Variants in WDR59 observed in about 807,000 individuals in gnomAD.
The protein encoded by WDR59 is WD repeat domain 59, also known as GATOR2 complex protein WDR59.
Under a neutral mutation model 131.2 loss-of-function variants are expected in WDR59, and 100 were observed. That is an observed-to-expected ratio of 0.76 (90% CI 0.65 to 0.90). The LOEUF (loss-of-function observed/expected upper bound fraction) is 0.90. Among genes scored for constraint, WDR59 ranks in the 40% least tolerant of loss-of-function variants. The pLI is 0.00. For missense variants in WDR59, 1,203 were observed against 1,262.2 expected (o/e 0.95, Z 0.71); for synonymous variants, 601 against 466.2 (o/e 1.29, Z -3.72).
intron 14 of WDR59, among the ~76,000 whole-genome samples, chr16:74,910,150 T>G (rs1966016945): frequency 6.6e-6 from 1 of 151,924 alleles, no homozygotes. Flanking sequence ...GTATTTTTAG[T>G]AGAGAAGGGG....
intron 3 of WDR59, among the ~76,000 whole-genome samples, chr16:74,955,818 G>T (rs1050176420): frequency 2.6e-5 from 4 of 152,054 alleles, no homozygotes; most frequent in Non-Finnish European, 5.9e-5. Flanking sequence ...AAAAAGTTTA[G>T]ATCTCTCATT....
At chr16:74,900,841 G>A (rs2047190443) in intron 18 of WDR59, among the ~76,000 whole-genome samples, 1 of 152,212 alleles carries the variant, frequency 6.6e-6, no homozygotes, top group Non-Finnish European at 1.5e-5. Context: ...ACACTGGGCC[G>A]GGTGCAGTGG....
In WDR59 at chr16:74,893,739, A is replaced by G. The variant is rs762953676; in HGVS notation, c.1940T>C (p.Val647Ala). The G allele has an allele frequency of 2.5e-6, 4 of 1,614,166 alleles. No homozygotes were observed. In the South Asian group the frequency reaches 4.4e-5, roughly 18 times the overall value. ...GAGGCAAGCAATATCCTGGATGATG[A>G]CTTTCCCAGCAGCCTTGATCTGTCG... ...GNRQIKAAGK[V>A]IIQDIACLLP... The change falls in exon 19 of 26, where the codon GTC (valine) becomes GCC (alanine). Residue 647 changes from valine to alanine, a missense_variant. Coordinates refer to ENST00000262144, the MANE Select transcript of WDR59 (RefSeq NM_030581.4).
chr16:74,951,279 G>A (rs547279904), intron 4 of WDR59, among the ~76,000 whole-genome samples, 179 bp downstream of exon 4: 144 of 152,066 alleles, frequency 9.5e-4, no homozygotes, highest in African/African-American at 3.4e-3. Context: ...CCTAAATGCC[G>A]GCTGTTCCTC....
At chr16:74,917,490 C>A (rs945594498) in intron 11 of WDR59, among the ~76,000 whole-genome samples, 16 of 152,134 alleles carry the variant, frequency 1.1e-4, no homozygotes, top group Non-Finnish European at 1.5e-5. Flanking sequence ...ACACCAGCTA[C>A]TCAGCCAACC....
chr16:74,962,262 G>C (rs2033597627), intron 2 of WDR59, among the ~76,000 whole-genome samples: 3 of 152,054 alleles, frequency 2.0e-5, no homozygotes, highest in Admixed American at 2.0e-4. Flanking sequence ...GGATTGTCTT[G>C]GCTATACAGG....
intron 25 of WDR59, among the ~76,000 whole-genome samples, chr16:74,881,787 C>T (rs1219895650): frequency 2.0e-5 from 3 of 149,320 alleles, no homozygotes; most frequent in Admixed American, 6.8e-5. Flanking sequence ...GTAGGAGAAT[C>T]GCTTGAACCA....
rs763064373 is a variant in WDR59, at chr16:74,951,444, G to C, written c.326+14C>G. The C allele has an allele frequency of 1.9e-6, 3 of 1,586,572 alleles. No individual in the cohort carries two copies. Among genetic ancestry groups the C allele is most frequent in the Admixed American group, 1.8e-5 (1 of 54,914 alleles). ...AGCAAGACAGCCAAAGAGCTGTGGAGGGCTGGTGCCTACCTGATGACACGA... is the reference window on the plus strand; with the variant it reads ...AGCAAGACAGCCAAAGAGCTGTGGACGGCTGGTGCCTACCTGATGACACGA... On this transcript the variant is annotated intron_variant, in intron 4 of 25. Coordinates refer to ENST00000262144, the MANE Select transcript of WDR59 (RefSeq NM_030581.4).
chr16:74,944,193 C>T (rs914089675), intron 6 of WDR59, among the ~76,000 whole-genome samples: 43 of 152,226 alleles, frequency 2.8e-4, no homozygotes, highest in African/African-American at 8.9e-4. Flanking sequence ...AGGCCAGGCG[C>T]AGTGGCTTGC....
intron 14 of WDR59, 157 bp downstream of exon 14, chr16:74,912,041 G>T: frequency 1.0e-6 from 1 of 982,572 alleles, no homozygotes; most frequent in Non-Finnish European, 1.5e-6. Context: ...TCTGCACAAA[G>T]TAAATGGCAA....
intron 25 of WDR59, among the ~76,000 whole-genome samples, chr16:74,881,904 A>G (rs1964507344): frequency 6.6e-6 from 1 of 151,996 alleles, no homozygotes; most frequent in South Asian, 2.1e-4. Context: ...AAAGAAAAAA[A>G]AAAGGAAAAT....
intron 18 of WDR59, among the ~76,000 whole-genome samples, chr16:74,900,016 A>G (rs1480919021): frequency 2.6e-5 from 4 of 152,168 alleles, no homozygotes; most frequent in Non-Finnish European, 5.9e-5. Context: ...ATTTCAAGGT[A>G]TATGGAGGCT....
chr16:74,920,851 T>C (rs545070890), intron 10 of WDR59, among the ~76,000 whole-genome samples: 2 of 152,168 alleles, frequency 1.3e-5, no homozygotes, highest in Admixed American at 6.5e-5. Context: ...GATTCAAAAA[T>C]AGGCAGTGAA....
At chr16:74,884,573 C>A (rs1964665167) in intron 25 of WDR59, among the ~76,000 whole-genome samples, 1 of 152,190 alleles carries the variant, frequency 6.6e-6, no homozygotes, top group Admixed American at 6.5e-5. Flanking sequence ...GTCTCAAACC[C>A]CTGGCCTCAA....
intron 6 of WDR59, among the ~76,000 whole-genome samples, chr16:74,946,077 G>A (rs567671635): frequency 6.6e-6 from 1 of 152,200 alleles, no homozygotes; most frequent in East Asian, 1.9e-4. Context: ...GCCTCCCAAA[G>A]TGCTGGGATT....
At chr16:74,882,898 G>C (rs1460952898) in intron 25 of WDR59, among the ~76,000 whole-genome samples, 1 of 149,120 alleles carries the variant, frequency 6.7e-6, no homozygotes, top group Non-Finnish European at 1.5e-5. Flanking sequence ...ACTTAAAAGA[G>C]TCAAATCATT....
chr16:74,904,283 T>TGTG, intron 17 of WDR59, 183 bp from the exon 18 acceptor site: 1 of 648,582 alleles, frequency 1.5e-6, no homozygotes, highest in Non-Finnish European at 2.5e-6. Flanking sequence ...ATAGAATGCT[T>TGTG]CTATGATTAC....
intron 8 of WDR59, among the ~76,000 whole-genome samples, chr16:74,934,141 T>A (rs939335805): frequency 6.6e-6 from 1 of 152,166 alleles, no homozygotes; most frequent in African/African-American, 2.4e-5. Context: ...ATCCACAGTA[T>A]GTGGAAAGCT....
Position 74,888,294 on chromosome 16 carries a change from C to T in WDR59, c.2221G>A (p.Asp741Asn). The change falls in exon 22 of 26, where the codon GAT (aspartate) becomes AAT (asparagine). Residue 741 changes from aspartate to asparagine, a missense_variant. Physicochemically the swap from Asp to Asn is conservative, Grantham distance 23. Coordinates refer to ENST00000262144, the MANE Select transcript of WDR59 (RefSeq NM_030581.4). ...SLLAHYCRLRDVQTLAMLCSV... is the reference protein window; with the variant it reads ...SLLAHYCRLRNVQTLAMLCSV... Reference sequence around the variant, plus strand: ...CAGAGCATCGCCAGTGTCTGAACATCCCGGAGCCGGCAATAGTGAGCCAAC... The same window carrying T: ...CAGAGCATCGCCAGTGTCTGAACATTCCGGAGCCGGCAATAGTGAGCCAAC... 6.2e-7 allele frequency: 1 copy of T among 1,613,672 alleles called. No homozygotes were observed. Among genetic ancestry groups the T allele is most frequent in the Non-Finnish European group, 8.5e-7 (1 of 1,179,828 alleles).
Sources: gnomAD v4.1 joint callset for allele counts (sites outside exome capture counted in the v4.1 genomes callset) on GRCh38, gnomAD v4.1.1 for gene constraint, MANE v1.5 for transcripts, NCBI Gene and HGNC (gene_info 2026-07-23, HGNC 2026-07-21) for gene names.